Variants in ZSCAN5A observed in about 807,000 individuals in gnomAD.
The protein encoded by ZSCAN5A is zinc finger and SCAN domain containing 5A.
In ZSCAN5A, 12 loss-of-function variants were observed where a neutral mutation model predicts 23.7. The observed-to-expected ratio is 0.51, with a 90% CI of 0.32 to 0.82. The LOEUF (loss-of-function observed/expected upper bound fraction) is 0.82. ZSCAN5A is among the 40% of genes least tolerant of loss of function. The pLI, the probability that ZSCAN5A is intolerant of heterozygous loss-of-function variation, is 0.03. For missense variants in ZSCAN5A, 597 were observed against 617.9 expected (o/e 0.97, Z 0.36); for synonymous variants, 257 against 239.9 (o/e 1.07, Z -0.66).
At chr19:56,243,915 TGCAGA>T in intron 2 of ZSCAN5A, 1 of 506,014 alleles carries the variant, frequency 2.0e-6, no homozygotes, top group Middle Eastern at 5.2e-4. Context: ...TGTTTTTTTT[TGCAGA>T]CTTCTGAACA....
intron 2 of ZSCAN5A, chr19:56,302,149 A>AG (rs2040278796): frequency 2.5e-6 from 3 of 1,208,952 alleles, no homozygotes; most frequent in Admixed American, 4.2e-5. Context: ...AGGAAAGAGG[A>AG]GGGAAGTGGG....
chr19:56,364,224 C>G (rs2041750968), intron 1 of ZSCAN5A, among the ~76,000 whole-genome samples: 1 of 152,200 alleles, frequency 6.6e-6, no homozygotes, highest in Non-Finnish European at 1.5e-5. Context: ...AGGGTGACAG[C>G]ACTTTTTAAA....
chr19:56,268,994 A>G (rs149235806), intron 2 of ZSCAN5A, among the ~76,000 whole-genome samples: 86 of 152,266 alleles, frequency 5.6e-4, no homozygotes, highest in African/African-American at 1.9e-3. Context: ...ATATCCTATT[A>G]TATGGCTATA....
At chr19:56,343,074 C>A in intron 2 of ZSCAN5A, 1 of 802,268 alleles carries the variant, frequency 1.2e-6, no homozygotes, top group Non-Finnish European at 2.3e-6. Context: ...TCCAGCAAGA[C>A]CTCATGCAGA....
intron 2 of ZSCAN5A, chr19:56,322,231 A>T (rs748221699): frequency 9.8e-6 from 10 of 1,019,026 alleles, no homozygotes; most frequent in Non-Finnish European, 1.6e-5. Flanking sequence ...TGTAATAAGC[A>T]AACTGAGAAA....
intron 2 of ZSCAN5A, among the ~76,000 whole-genome samples, chr19:56,267,534 C>T (rs1453009764): frequency 1.3e-5 from 2 of 152,180 alleles, no homozygotes; most frequent in Admixed American, 6.5e-5. Flanking sequence ...GTTGCATTAG[C>T]GTCACCTCAA....
At position 56,223,657 on chromosome 19, in the gene ZSCAN5A, T is replaced by A; in HGVS notation, c.562A>T (p.Arg188Trp). ...QAHRELQILP[R>W]VPALSRRQGE... ...TGCCTCCTGGACAATGCAGGGACCC[T>A]GGGCAGGATCTGCAGCTCTCGGTGG... The change falls in exon 4 of 6, where the codon AGG (arginine) becomes TGG (tryptophan). Residue 188 changes from arginine to tryptophan, a missense_variant. By Grantham distance (101) the Arg-to-Trp change is moderately radical (BLOSUM62 -3). Transcript: ENST00000683990. The A allele has an allele frequency of 6.2e-7, 1 of 1,613,692 alleles. No homozygotes were observed. Among genetic ancestry groups the A allele is most frequent in the Admixed American group, 1.7e-5 (1 of 59,980 alleles).
At chr19:56,350,639 C>A (rs1366154070) in intron 2 of ZSCAN5A, among the ~76,000 whole-genome samples, 1 of 152,066 alleles carries the variant, frequency 6.6e-6, no homozygotes, top group Non-Finnish European at 1.5e-5. Context: ...GTAATGTACA[C>A]CGACATCTAG....
Position 56,296,566 on chromosome 19 carries a change from T to C in ZSCAN5A, c.-128+16717A>G, listed in dbSNP as rs1484210940. 5.3e-5 allele frequency among the ~76,000 whole-genome samples: 8 copies of C among 152,188 alleles called. No homozygotes were observed. In the South Asian group the frequency reaches 1.7e-3, roughly 31 times the overall value. ...GTTAGCTCTCCTGTACCAAATGTTA[T>C]TCTAGGTGTTAGAGATGCAGCAGAG... On this transcript the variant is annotated intron_variant, in intron 2 of 5. Coordinates refer to ENST00000683990, the MANE Select transcript of ZSCAN5A (RefSeq NM_001322064.3).
At chr19:56,253,575 C>T (rs556934645) in intron 2 of ZSCAN5A, among the ~76,000 whole-genome samples, 2 of 152,070 alleles carry the variant, frequency 1.3e-5, no homozygotes, top group South Asian at 2.1e-4. Context: ...TGGCTCCCAT[C>T]GGTGTGCTGG....
At chr19:56,247,068 C>G (rs1259885299) in intron 2 of ZSCAN5A, 1 of 760,244 alleles carries the variant, frequency 1.3e-6, no homozygotes, top group East Asian at 2.4e-5. Context: ...TTGCATGTGG[C>G]GTGTGCAATA....
chr19:56,311,536 G>A (rs985474668), intron 2 of ZSCAN5A, among the ~76,000 whole-genome samples: 1 of 152,190 alleles, frequency 6.6e-6, no homozygotes, highest in African/African-American at 2.4e-5. Context: ...GGCATTCAGT[G>A]AGCCTGAAGC....
intron 2 of ZSCAN5A, among the ~76,000 whole-genome samples, chr19:56,280,358 C>T (rs1004795546): frequency 2.6e-5 from 4 of 152,016 alleles, no homozygotes; most frequent in African/African-American, 9.7e-5. Context: ...ATACTAATGG[C>T]CACTCAGGTT....
rs535144270 is a variant in ZSCAN5A at position 56,223,570 on chromosome 19, C to T, written c.588+61G>A. On this transcript the variant is annotated intron_variant, in intron 4 of 5. Transcript: ENST00000683990. ...AATCTCTCAATCAGTCCAGCGGCCA[C>T]ACGATTTCCTCCTGTTCCTTCTCCC... is the stretch of plus-strand genomic sequence containing the variant. 15 of 1,572,264 alleles carry T rather than the reference C, an allele frequency of 9.5e-6. No homozygotes were observed. The East Asian group carries it at 2.9e-4, about 31-fold the overall frequency.
chr19:56,357,604 T>C (rs1024351375), intron 2 of ZSCAN5A, among the ~76,000 whole-genome samples: 3 of 147,416 alleles, frequency 2.0e-5, no homozygotes, highest in East Asian at 1.9e-4. Context: ...CAAATTCAAA[T>C]TGAAGGACAT....
At chr19:56,247,777 A>T (rs146761180) in intron 2 of ZSCAN5A, among the ~76,000 whole-genome samples, 2 of 151,940 alleles carry the variant, frequency 1.3e-5, no homozygotes, top group African/African-American at 4.8e-5. Context: ...CTGCCAGCTC[A>T]GTCTCCCAGG....
At chr19:56,343,100 C>T (rs1568760963) in intron 2 of ZSCAN5A, 6 of 766,524 alleles carry the variant, frequency 7.8e-6, no homozygotes, top group Non-Finnish European at 1.2e-5. Flanking sequence ...GCCTTCGGGT[C>T]CTATCCAATG....
At chr19:56,312,688 G>A (rs1170286630) in intron 2 of ZSCAN5A, among the ~76,000 whole-genome samples, 1 of 152,248 alleles carries the variant, frequency 6.6e-6, no homozygotes, top group Non-Finnish European at 1.5e-5. Flanking sequence ...TGGCAGTGGG[G>A]AAGGGGTACA....
At chr19:56,319,776 G>C (rs1237233605), upstream of ZSCAN5A, 2 of 766,700 alleles carry the variant, frequency 2.6e-6, no homozygotes, top group African/African-American at 1.7e-5. Context: ...TCCTAAGCCC[G>C]GTCCCTCCTG....
Sources: allele counts gnomAD v4.1 joint callset (sites outside exome capture counted in the v4.1 genomes callset), GRCh38; gene constraint gnomAD v4.1.1; transcripts MANE v1.5; gene names NCBI Gene and HGNC (gene_info 2026-07-23, HGNC 2026-07-21).